Variants in WWP1 observed in about 807,000 individuals in gnomAD.
The protein encoded by WWP1 is NEDD4-like E3 ubiquitin-protein ligase WWP1.
In WWP1, 49 loss-of-function variants were observed where a neutral mutation model predicts 130.6. The observed-to-expected ratio is 0.38, with a 90% confidence interval of 0.30 to 0.48. The LOEUF (loss-of-function observed/expected upper bound fraction) is 0.48. Ranked by LOEUF, WWP1 falls within the 20% of genes least tolerant of loss-of-function variation. The probability of loss-of-function intolerance (pLI) is 0.99; values close to 1 mark genes in which losing one functional copy is unlikely to be tolerated. For missense variants in WWP1, 809 were observed against 1,100.6 expected, an observed-to-expected ratio of 0.74 and a Z score of 3.75; for synonymous variants, 332 against 367.8, an observed-to-expected ratio of 0.90 and a Z score of 1.11.
At chr8:86,432,434 C>T (rs1401586162) in intron 14 of WWP1, among the ~76,000 whole-genome samples, 1 of 152,018 alleles carries the variant, frequency 6.6e-6, no homozygotes, top group Non-Finnish European at 1.5e-5. Flanking sequence ...ATTCCTACCC[C>T]CACTTTTCTA....
intron 22 of WWP1, 78 bp downstream of exon 22, chr8:86,458,103 TA>T: frequency 8.4e-7 from 1 of 1,195,256 alleles, no homozygotes; most frequent in South Asian, 1.4e-5. Flanking sequence ...AATAGCTTAT[TA>T]TTTTTAATTG....
In WWP1 at chr8:86,461,338, G is replaced by C. The variant is rs751163738; in HGVS notation, c.2596+18G>C. ...GCTCATGGGTAAATGTAATTTCACT[G>C]TAATTTCTCTGTACGTAATTTTGTG... On this transcript the variant is annotated intron_variant, in intron 23 of 24. Transcript: ENST00000517970. 1.9e-6 allele frequency: 3 copies of C among 1,599,434 alleles called. No homozygotes were observed. In the South Asian group the frequency reaches 3.3e-5, roughly 18 times the overall value.
chr8:86,425,215 T>A lies in WWP1; in HGVS notation c.1062-8T>A, dbSNP rs568294792. 43 of 1,599,866 alleles carry A rather than the reference T, an allele frequency of 2.7e-5. No individual in the cohort carries two copies. The highest frequency in any genetic ancestry group is 4.0e-5 in the African/African-American group (3 of 74,228). ...TCTCTTACTGTTATTTTTGTATTTT[T>A]ATTAAAGGTGGGAACAAAGAAAAGA... On this transcript the variant is annotated splice_polypyrimidine_tract_variant and splice_region_variant and intron_variant, in intron 9 of 24. Coordinates refer to ENST00000517970, the MANE Select transcript of WWP1 (RefSeq NM_007013.4).
At chr8:86,446,685 G>T (rs1310116050) in intron 18 of WWP1, among the ~76,000 whole-genome samples, 1 of 152,130 alleles carries the variant, frequency 6.6e-6, no homozygotes, top group Non-Finnish European at 1.5e-5. Flanking sequence ...TCTGTATGAA[G>T]AAGCCAGCTG....
At chr8:86,412,275 G>A (rs1441281688) in intron 9 of WWP1, among the ~76,000 whole-genome samples, 1 of 152,164 alleles carries the variant, frequency 6.6e-6, no homozygotes, top group South Asian at 2.1e-4. Flanking sequence ...CTAATATTGA[G>A]TGCTGGGGAG....
chr8:86,400,050 A>G (rs1292421709), intron 7 of WWP1, among the ~76,000 whole-genome samples: 1 of 152,036 alleles, frequency 6.6e-6, no homozygotes, highest in Non-Finnish European at 1.5e-5. Context: ...TAGATAGTAG[A>G]CTGGGCATGG....
At position 86,364,588 on chromosome 8, in the gene WWP1, T is replaced by A. The variant is rs551387749; in HGVS notation, c.-114-4351T>A. On this transcript the variant is annotated intron_variant, in intron 1 of 24. Coordinates refer to ENST00000517970, the MANE Select transcript of WWP1 (RefSeq NM_007013.4). ...TGGGAGTCTGGGGTGGGAGGCTCAC[T>A]TGAGCTAAGGAGTTCTGGACCAGCC... Among the ~76,000 whole-genome samples the A allele has an allele frequency of 2.1e-4, 32 of 152,238 alleles. No individual in the cohort carries two copies. In the South Asian group the frequency reaches 6.6e-3, roughly 32 times the overall value.
In WWP1 at chr8:86,380,814, A is replaced by G. The variant is rs545485029; in HGVS notation, c.159A>G (p.Thr53=). 2.5e-6 allele frequency: 4 copies of G among 1,613,424 alleles called. No individual in the cohort carries two copies. The highest frequency in any genetic ancestry group is 3.3e-5 in the Admixed American group (2 of 59,978). The change falls in exon 4 of 25, where the codon ACA becomes ACG. Residue 53 remains threonine, a synonymous_variant. Coordinates refer to ENST00000517970, the MANE Select transcript of WWP1 (RefSeq NM_007013.4). Reference sequence around the variant, plus strand: ...TTGTAGATGGAGAAATTACGAAAACAGCAAAATCCAGTAGTTCTTCTAATC... The same window carrying G: ...TTGTAGATGGAGAAATTACGAAAACGGCAAAATCCAGTAGTTCTTCTAATC... ...EVVVDGEITK[T]AKSSSSSNPK...
intron 1 of WWP1, among the ~76,000 whole-genome samples, chr8:86,358,479 A>G (rs10715198): frequency 0.24 from 5,448 of 22,800 alleles, 280 homozygotes; most frequent in African/African-American, 0.47. Flanking sequence ...TTTATTGAGG[A>G]GTTTTTTTTT....
At chr8:86,447,527 A>T (rs1370579169) in intron 18 of WWP1, among the ~76,000 whole-genome samples, 1 of 152,122 alleles carries the variant, frequency 6.6e-6, no homozygotes, top group Non-Finnish European at 1.5e-5. Context: ...CAGCCTCCCA[A>T]AGTGCTGGGA....
chr8:86,444,773 A>G (rs1337096932), intron 18 of WWP1, among the ~76,000 whole-genome samples: 2 of 152,180 alleles, frequency 1.3e-5, no homozygotes, highest in Non-Finnish European at 2.9e-5. Context: ...GGATACAGCA[A>G]ATATAAACAA....
chr8:86,401,862 CAT>C lies in WWP1; in HGVS notation c.540-155_540-154del, dbSNP rs1491546036. 4.0e-5 allele frequency among the ~76,000 whole-genome samples: 6 copies of C among 151,798 alleles called. No individual in the cohort carries two copies. The South Asian group carries it at 1.0e-3, about 26-fold the overall frequency. On this transcript the variant is annotated intron_variant, in intron 7 of 24. Coordinates refer to ENST00000517970, the MANE Select transcript of WWP1 (RefSeq NM_007013.4). ...TATTTACCTATCATTTTACTTGAAACATAAAAACTCAATTGTTTGGAAATAGA... is the reference window on the plus strand; with the variant it reads ...TATTTACCTATCATTTTACTTGAAACAAAAACTCAATTGTTTGGAAATAGA...
rs1033905262 is a variant in WWP1 at position 86,467,892 on chromosome 8, C to T, written c.*999C>T. On this transcript the variant is annotated 3_prime_UTR_variant, in exon 25 of 25. Coordinates refer to ENST00000517970, the MANE Select transcript of WWP1 (RefSeq NM_007013.4). ...TGATTTTCTGTTAGTGTTTGAATAT[C>T]TTCATTCCTCTCAAATTCATAACAG... 6.6e-6 allele frequency: 1 copy of T among 152,508 alleles called. No individual in the cohort carries two copies. The highest frequency in any genetic ancestry group is 2.4e-5 in the African/African-American group (1 of 41,438). The allele number at this position is 152,508 out of a possible 1,614,324, so 9.4% of individuals were successfully genotyped here.
intron 7 of WWP1, among the ~76,000 whole-genome samples, chr8:86,401,011 GT>G (rs79904046): frequency 1.2e-3 from 158 of 136,864 alleles, no homozygotes; most frequent in East Asian, 1.3e-3. Context: ...AACTTTTTTT[GT>G]TTTTTTTTTT....
chr8:86,380,841 A>G lies in WWP1; in HGVS notation c.186A>G (p.Pro62=), dbSNP rs1266127563. The change falls in exon 4 of 25, where the codon CCA becomes CCG. Residue 62 remains proline (P), a synonymous_variant. Transcript: ENST00000517970. ...CAAAATCCAGTAGTTCTTCTAATCC[A>G]AAATGGGATGAACAGCTAACTGTGT... ...KTAKSSSSSN[P]KWDEQLTVNV... 6.2e-7 allele frequency: 1 copy of G among 1,612,454 alleles called. No individual in the cohort carries two copies. The highest frequency in any genetic ancestry group is 8.5e-7 in the Non-Finnish European group (1 of 1,179,310).
intron 8 of WWP1, among the ~76,000 whole-genome samples, chr8:86,410,508 TA>T (rs1417433939): frequency 6.6e-6 from 1 of 152,046 alleles, no homozygotes; most frequent in Non-Finnish European, 1.5e-5. Context: ...CTTTCCTGAG[TA>T]AAAAAATCAT....
chr8:86,412,017 T>TGTTTTGTA, intron 9 of WWP1, 143 bp downstream of exon 9: 1 of 816,008 alleles, frequency 1.2e-6, no homozygotes, highest in Non-Finnish European at 1.9e-6. Flanking sequence ...TTTATTTACT[T>TGTTTTGTA]GCTACAAAAC....
intron 1 of WWP1, among the ~76,000 whole-genome samples, chr8:86,355,940 G>A (rs148467388): frequency 2.9e-4 from 44 of 152,264 alleles, no homozygotes; most frequent in Admixed American, 7.8e-4. Flanking sequence ...TTGAGCCCAA[G>A]GAAATCTGGC....
At chr8:86,444,147 G>A (rs1810737232) in intron 18 of WWP1, among the ~76,000 whole-genome samples, 1 of 152,198 alleles carries the variant, frequency 6.6e-6, no homozygotes, top group Non-Finnish European at 1.5e-5. Context: ...TTCTAGCAGT[G>A]GAGGAAGTGA....
Sources: allele counts gnomAD v4.1 joint callset (sites outside exome capture counted in the v4.1 genomes callset), GRCh38; gene constraint gnomAD v4.1.1; transcripts MANE v1.5; gene names NCBI Gene and HGNC (gene_info 2026-07-23, HGNC 2026-07-21).